ZFHX3: variants seen among roughly 807,000 people sequenced by gnomAD.
ZFHX3 encodes zinc finger homeobox 3.
Under a neutral mutation model 279.1 loss-of-function variants are expected in ZFHX3, and 42 were observed. The ratio of observed to expected loss-of-function variants is 0.15; its 90% confidence interval spans 0.12 to 0.19. The LOEUF is 0.19. Ranked by LOEUF, ZFHX3 falls within the 10% of genes least tolerant of loss-of-function variation. ZFHX3 has a pLI of 1.00. For missense variants in ZFHX3, 4,981 were observed against 4,754.0 expected (o/e 1.05, Z -1.40); for synonymous variants, 2,293 against 1,957.8 (o/e 1.17, Z -4.52).
At chr16:73,072,677 A>T (rs927494720) in intron 8 of ZFHX3, among the ~76,000 whole-genome samples, 2 of 152,006 alleles carry the variant, frequency 1.3e-5, no homozygotes, top group Non-Finnish European at 2.9e-5. Context: ...CAGTCCTCCC[A>T]CTTCAGCCTC....
chr16:73,648,200 G>T (rs369655902), intron 2 of ZFHX3, among the ~76,000 whole-genome samples: 1 of 152,066 alleles, frequency 6.6e-6, no homozygotes, highest in East Asian at 1.9e-4. Context: ...TATGGATGCC[G>T]ACTGATGCAT....
At chr16:73,216,480 C>G (rs2012213493) in intron 5 of ZFHX3, among the ~76,000 whole-genome samples, 1 of 152,216 alleles carries the variant, frequency 6.6e-6, no homozygotes, top group African/African-American at 2.4e-5. Context: ...CCATCTCCCT[C>G]AAAAGACTGT....
intron 7 of ZFHX3, among the ~76,000 whole-genome samples, chr16:73,123,144 A>T (rs541141078): frequency 1.3e-4 from 20 of 151,160 alleles, no homozygotes; most frequent in Admixed American, 5.3e-4. Flanking sequence ...TTATGAGGAT[A>T]CAGGATGTGA....
rs951263565 is a variant in ZFHX3 at position 73,018,810 on chromosome 16, G to C, written c.-50+28942C>G. ...CAGTTTCCTCAATGCTTGCCACTGTGATTTTATTCTGAAAGCTACAGCTCT... is the reference window on the plus strand; with the variant it reads ...CAGTTTCCTCAATGCTTGCCACTGTCATTTTATTCTGAAAGCTACAGCTCT... On this transcript the variant is annotated intron_variant, in intron 1 of 9. Coordinates refer to ENST00000268489, the MANE Select transcript of ZFHX3 (RefSeq NM_006885.4). 3.0e-4 allele frequency among the ~76,000 whole-genome samples: 46 copies of C among 152,194 alleles called. 1 individual carries two copies. Among genetic ancestry groups the C allele is most frequent in the African/African-American group, 1.1e-3 (45 of 41,534 alleles).
intron 2 of ZFHX3, among the ~76,000 whole-genome samples, chr16:73,608,199 A>T (rs1199716111): frequency 6.6e-6 from 1 of 152,226 alleles, no homozygotes; most frequent in African/African-American, 2.4e-5. Context: ...ATTGGCTTTA[A>T]GCCCCAGAGC....
chr16:73,791,556 C>T (rs956587559), intron 1 of ZFHX3, among the ~76,000 whole-genome samples: 1 of 152,162 alleles, frequency 6.6e-6, no homozygotes, highest in African/African-American at 2.4e-5. Context: ...TCCTGAGTAG[C>T]CAGGACTACA....
chr16:72,960,506 C>T (rs1961524684), intron 1 of ZFHX3, among the ~76,000 whole-genome samples: 1 of 152,156 alleles, frequency 6.6e-6, no homozygotes, highest in Non-Finnish European at 1.5e-5. Flanking sequence ...CATTCTTTGC[C>T]AGCATAGCTT....
chr16:73,866,169 A>ATTTTTT (rs34324522), intron 1 of ZFHX3, among the ~76,000 whole-genome samples: 6 of 74,640 alleles, frequency 8.0e-5, no homozygotes, highest in Admixed American at 2.1e-4. Flanking sequence ...TGCCAGGCTA[A>ATTTTTT]TTTTTTTTTT....
chr16:73,436,797 T>C (rs1316763914), intron 3 of ZFHX3, among the ~76,000 whole-genome samples: 2 of 152,166 alleles, frequency 1.3e-5, no homozygotes, highest in Non-Finnish European at 2.9e-5. Flanking sequence ...AATGGCTTCC[T>C]TCCTGTTTGT....
chr16:73,109,582 G>A (rs1966346445), intron 7 of ZFHX3, among the ~76,000 whole-genome samples: 1 of 151,846 alleles, frequency 6.6e-6, no homozygotes, highest in Non-Finnish European at 1.5e-5. Context: ...AAATTTTCCG[G>A]TGCAGTGCCT....
intron 1 of ZFHX3, among the ~76,000 whole-genome samples, chr16:72,969,086 T>C (rs1961983740): frequency 6.6e-6 from 1 of 152,162 alleles, no homozygotes; most frequent in Admixed American, 6.5e-5. Context: ...CTTGAAATTG[T>C]TAAAAGAAAA....
intron 3 of ZFHX3, among the ~76,000 whole-genome samples, chr16:73,326,504 A>G (rs914056160): frequency 9.2e-5 from 14 of 152,346 alleles, no homozygotes; most frequent in Admixed American, 8.5e-4. Flanking sequence ...GAAAGAAGCC[A>G]GACACAAAGG....
At position 73,490,872 on chromosome 16, in the gene ZFHX3, A is replaced by G. The variant is rs978568441; in HGVS notation, c.-1546-34614T>C. 5.9e-5 allele frequency among the ~76,000 whole-genome samples: 9 copies of G among 152,192 alleles called. 1 individual carries two copies. The highest frequency in any genetic ancestry group is 3.9e-4 in the Admixed American group (6 of 15,266). On this transcript the variant is annotated intron_variant, in intron 2 of 17. Coordinates refer to the ZFHX3 transcript ENST00000641206. Reference sequence around the variant, plus strand: ...AATAAAATAAAACACCGCCTCTCCAATGAAACTAAGAAACTGCAGAGGTGA... The same window carrying G: ...AATAAAATAAAACACCGCCTCTCCAGTGAAACTAAGAAACTGCAGAGGTGA...
At chr16:73,596,611 C>T (rs912028676) in intron 2 of ZFHX3, among the ~76,000 whole-genome samples, 2 of 152,168 alleles carry the variant, frequency 1.3e-5, no homozygotes, top group African/African-American at 2.4e-5. Context: ...CCTGTGCTCC[C>T]ATCTCAGCTT....
chr16:73,654,496 T>G (rs536775601), intron 2 of ZFHX3, among the ~76,000 whole-genome samples: 2 of 152,214 alleles, frequency 1.3e-5, no homozygotes, highest in Non-Finnish European at 2.9e-5. Flanking sequence ...TACCAACCCC[T>G]AATGATGACA....
chr16:73,709,948 A>C (rs2142225423), intron 1 of ZFHX3, among the ~76,000 whole-genome samples: 1 of 152,248 alleles, frequency 6.6e-6, no homozygotes, highest in Middle Eastern at 3.4e-3. Flanking sequence ...TTGGGAGGCC[A>C]AGGTGGGTGG....
chr16:73,617,574 A>G (rs999366109), intron 2 of ZFHX3, among the ~76,000 whole-genome samples: 1 of 152,226 alleles, frequency 6.6e-6, no homozygotes, highest in African/African-American at 2.4e-5. Context: ...TATTTCCATG[A>G]GATGTACATG....
rs1009768437 is a variant in ZFHX3, at chr16:73,581,469, T to C, written c.-1547+98711A>G. ...GATTTGTCATTTGCAGGAATAAAAA[T>C]TGTTTTACACAAATGGATGCTTGTT... On this transcript the variant is annotated intron_variant, in intron 2 of 17. Coordinates refer to the ZFHX3 transcript ENST00000641206. Among the ~76,000 whole-genome samples, 27 of 151,710 alleles carry C rather than the reference T, an allele frequency of 1.8e-4. 2 individuals carry two copies. The highest frequency in any genetic ancestry group is 6.6e-4 in the African/African-American group (27 of 41,076).
At chr16:73,321,845 A>AAGAG (rs1555509935) in intron 3 of ZFHX3, among the ~76,000 whole-genome samples, 17 of 125,036 alleles carry the variant, frequency 1.4e-4, no homozygotes, top group Non-Finnish European at 2.3e-4. Context: ...TGTAGAGAAA[A>AAGAG]AGACAGAGAG....
Sources: gnomAD v4.1 joint callset for allele counts (sites outside exome capture counted in the v4.1 genomes callset) on GRCh38, gnomAD v4.1.1 for gene constraint, MANE v1.5 for transcripts, NCBI Gene and HGNC (gene_info 2026-07-23, HGNC 2026-07-21) for gene names.